MED22: variants seen among roughly 807,000 people sequenced by gnomAD.
The protein encoded by MED22 is mediator complex subunit 22, also known as mediator of RNA polymerase II transcription subunit 22.
Under a neutral mutation model 22.7 loss-of-function variants are expected in MED22, and 22 were observed. The ratio of observed to expected loss-of-function variants is 0.97; its 90% CI spans 0.69 to 1.38. MED22 has a LOEUF of 1.38. Ranked by LOEUF, MED22 falls within the 40% of genes most tolerant of loss-of-function variation. The pLI, the probability that MED22 is intolerant of heterozygous loss-of-function variation, is 0.00. For synonymous variants in MED22, 134 were observed against 119.4 expected (o/e 1.12, Z -0.80); for missense variants, 247 against 263.0 (o/e 0.94, Z 0.42).
chr9:133,339,311 G>A lies in MED22; in HGVS notation c.*2194C>T. 4.2e-6 allele frequency: 3 copies of A among 706,992 alleles called. No homozygotes were observed. The highest frequency in any genetic ancestry group is 7.9e-6 in the Non-Finnish European group (3 of 378,222). The allele number at this position is 706,992 out of a possible 1,614,324, so 43.8% of individuals were successfully genotyped here. A position where few individuals can be genotyped will look rare whatever the true frequency, so the allele number is the denominator to read the frequency against. On this transcript the variant is annotated 3_prime_UTR_variant, in exon 5 of 5. Coordinates refer to ENST00000343730, the MANE Select transcript of MED22 (RefSeq NM_133640.5). ...GCCGAGAGAGCTTCCTGAAACGCGT[G>A]AAGGAAAATGATCAGAAAAAGAGGG...
rs2129952070 is a variant in MED22 at position 133,342,087 on chromosome 9, G to A, written c.414-393C>T. ...CCTCCCTGACTGCAGAAACCCCAGT[G>A]TCACTACACTGCAAAGAGCTCTCTG... is the stretch of plus-strand genomic sequence containing the variant. On this transcript the variant is annotated intron_variant, in intron 4 of 4. Coordinates refer to ENST00000343730, the MANE Select transcript of MED22 (RefSeq NM_133640.5). 1,085 of 1,079,298 alleles carry A rather than the reference G, an allele frequency of 1.0e-3. 24 individuals are homozygous for A. The South Asian group carries it at 0.025, about 25-fold the overall frequency. The allele number at this position is 1,079,298 out of a possible 1,614,324, so 66.9% of individuals were successfully genotyped here.
chr9:133,342,811 G>A, intron 4 of MED22: 1 of 985,614 alleles, frequency 1.0e-6, no homozygotes, highest in Non-Finnish European at 1.2e-6. Flanking sequence ...TGGCACAGAT[G>A]TCCTGGGTTT....
In MED22 at chr9:133,339,792, C is replaced by T. The variant is rs1227392188; in HGVS notation, c.*1713G>A. On this transcript the variant is annotated 3_prime_UTR_variant, in exon 5 of 5. Coordinates refer to ENST00000343730, the MANE Select transcript of MED22 (RefSeq NM_133640.5). ...TTTTGCTAGAGTCATGGAGACAAAA[C>T]CTGTCTGACGTAGGCCCAAGAGAGA... 5.7e-6 allele frequency: 1 copy of T among 174,866 alleles called. No individual in the cohort carries two copies. Among genetic ancestry groups the T allele is most frequent in the East Asian group, 1.7e-4 (1 of 6,036 alleles). 10.8% of individuals were successfully genotyped at this position (174,866 alleles called of 1,614,324 possible).
intron 4 of MED22, chr9:133,343,031 G>C: frequency 1.0e-6 from 1 of 987,194 alleles, no homozygotes; most frequent in Non-Finnish European, 1.2e-6. Context: ...AGCCACCCTA[G>C]TGTGGAGGAA....
At chr9:133,342,374 C>T in intron 4 of MED22, 1 of 986,212 alleles carries the variant, frequency 1.0e-6, no homozygotes, top group Non-Finnish European at 1.2e-6. Context: ...CCCTGGCTTT[C>T]CCGCGGCCTG....
chr9:133,341,830 T>G, intron 4 of MED22, 136 bp from the exon 5 acceptor site: 1 of 1,422,930 alleles, frequency 7.0e-7, no homozygotes, highest in Non-Finnish European at 9.1e-7. Context: ...TCTCCACTCC[T>G]GCTCCATCTG....
In MED22 at chr9:133,338,811, A is replaced by G. The variant is rs1296341354; in HGVS notation, c.*2694T>C. 1.6e-5 allele frequency: 6 copies of G among 377,544 alleles called. No homozygotes were observed. Among genetic ancestry groups the G allele is most frequent in the South Asian group, 6.4e-5 (3 of 47,242 alleles). The allele number at this position is 377,544 out of a possible 1,614,324, so 23.4% of individuals were successfully genotyped here. On this transcript the variant is annotated 3_prime_UTR_variant, in exon 5 of 5. Coordinates refer to ENST00000343730, the MANE Select transcript of MED22 (RefSeq NM_133640.5). Reference sequence around the variant, plus strand: ...CAGGCTGGTCTCAAAACTTCTGACCACAAGTGATCCACCCGCTTTGGCTTC... The same window carrying G: ...CAGGCTGGTCTCAAAACTTCTGACCGCAAGTGATCCACCCGCTTTGGCTTC...
chr9:133,345,868 T>C (rs2129966526), intron 2 of MED22, among the ~76,000 whole-genome samples: 1 of 152,172 alleles, frequency 6.6e-6, no homozygotes, highest in Non-Finnish European at 1.5e-5. Context: ...TGGGTTCAAA[T>C]CCTGGCTCAG....
chr9:133,346,781 A>G, intron 1 of MED22, 81 bp from the exon 2 acceptor site: 5 of 1,242,634 alleles, frequency 4.0e-6, no homozygotes, highest in Non-Finnish European at 5.5e-6. Flanking sequence ...CAGAACACGC[A>G]GATTTCTGGG....
In MED22 at chr9:133,340,904, A is replaced by G. The variant is rs1239576874; in HGVS notation, c.*601T>C. The G allele has an allele frequency of 6.6e-6, 1 of 152,346 alleles. No homozygotes were observed. The highest frequency in any genetic ancestry group is 6.5e-5 in the Admixed American group (1 of 15,284). 9.4% of individuals were successfully genotyped at this position (152,346 alleles called of 1,614,324 possible). A position where few individuals can be genotyped will look rare whatever the true frequency, so the allele number is the denominator to read the frequency against. ...AAGGAATGAGGAAGAAAGAGCAGCA[A>G]TGCAAAAAAGTGGCGGTGTTTTAAT... On this transcript the variant is annotated 3_prime_UTR_variant, in exon 5 of 5. Coordinates refer to ENST00000343730, the MANE Select transcript of MED22 (RefSeq NM_133640.5).
chr9:133,338,927 C>A lies in MED22; in HGVS notation c.*2578G>T. 1.7e-6 allele frequency: 1 copy of A among 578,646 alleles called. No individual in the cohort carries two copies. Among genetic ancestry groups the A allele is most frequent in the East Asian group, 4.0e-5 (1 of 25,226 alleles). 35.8% of individuals were successfully genotyped at this position (578,646 alleles called of 1,614,324 possible). ...TCCAAAATAACAACCAAATGCAACA[C>A]ACAATAAAAACAGGCATAAAAGCCT... On this transcript the variant is annotated 3_prime_UTR_variant, in exon 5 of 5. Transcript: ENST00000343730.
intron 2 of MED22, chr9:133,346,277 A>C: frequency 2.2e-6 from 1 of 458,536 alleles, no homozygotes; most frequent in Non-Finnish European, 4.0e-6. Flanking sequence ...ACTGTTTTAC[A>C]CAGATAAACT....
intron 4 of MED22, chr9:133,343,636 C>G: frequency 8.0e-7 from 1 of 1,248,928 alleles, no homozygotes; most frequent in Non-Finnish European, 1.0e-6. Flanking sequence ...CCATGACTGT[C>G]CCTGCCTCCA....
chr9:133,342,219 C>T (rs1375793424), intron 4 of MED22: 1 of 986,722 alleles, frequency 1.0e-6, no homozygotes, highest in Non-Finnish European at 1.2e-6. Flanking sequence ...CCTACATCAG[C>T]CAGGCGGCCT....
chr9:133,342,121 CTG>C (rs1226175426), intron 4 of MED22: 2 of 1,025,732 alleles, frequency 1.9e-6, no homozygotes, highest in Admixed American at 6.1e-5. Flanking sequence ...TGAGGGCAGA[CTG>C]TGTTCTTTCT....
In MED22 at chr9:133,341,293, T is replaced by C. The variant is rs1835997443; in HGVS notation, c.*212A>G. 1 of 468,480 alleles carries C rather than the reference T, an allele frequency of 2.1e-6. No individual in the cohort carries two copies. Among genetic ancestry groups the C allele is most frequent in the South Asian group, 4.7e-5 (1 of 21,200 alleles). 29.0% of individuals were successfully genotyped at this position (468,480 alleles called of 1,614,324 possible). On this transcript the variant is annotated 3_prime_UTR_variant, in exon 5 of 5. Coordinates refer to ENST00000343730, the MANE Select transcript of MED22 (RefSeq NM_133640.5). ...AAACAGAGATGATGACTCGGAATGA[T>C]GGGCTATTCGGAAATGGCTAGGGAA...
Position 133,341,534 on chromosome 9 carries a change from C to A in MED22, c.574G>T (p.Gly192Cys). 6.5e-7 allele frequency: 1 copy of A among 1,533,068 alleles called. No homozygotes were observed. Among genetic ancestry groups the A allele is most frequent in the South Asian group, 1.3e-5 (1 of 77,584 alleles). 95.0% of individuals were successfully genotyped at this position (1,533,068 alleles called of 1,614,324 possible). A position where few individuals can be genotyped will look rare whatever the true frequency, so the allele number is the denominator to read the frequency against. The part of the protein sequence containing the change: ...QVAAPAHSHA[G>C]GPGPTEHA ...GCGTGCTCAGTGGGGCCAGGGCCAC[C>A]AGCATGGGAGTGGGCAGGGGCTGCC... The change falls in exon 5 of 5, where the codon GGT becomes TGT. Residue 192 changes from glycine to cysteine, a missense_variant. By Grantham distance (159) the Gly-to-Cys change is radical. Coordinates refer to ENST00000343730, the MANE Select transcript of MED22 (RefSeq NM_133640.5).
rs1836152464 is a variant in MED22 at position 133,345,396 on chromosome 9, T to G, written c.124-144A>C. 3 of 771,004 alleles carry G rather than the reference T, an allele frequency of 3.9e-6. No homozygotes were observed. The Admixed American group carries it at 6.4e-5, about 16-fold the overall frequency. 47.8% of individuals were successfully genotyped at this position (771,004 alleles called of 1,614,324 possible). ...CTGTCTGTGGTGCCATCTACAGACC[T>G]AAGCGCTGTCAGCCAGACCTCTGAC... On this transcript the variant is annotated intron_variant, in intron 2 of 4. Transcript: ENST00000343730.
In MED22 at chr9:133,348,027, T is replaced by G. The variant is rs1196619551; in HGVS notation, c.-144A>C. ...ACTTTCCCGCGTCTCTCCCACGGCC[T>G]GGCCCTCCCGCCGCAGTCTCTCTTC... On this transcript the variant is annotated 5_prime_UTR_variant, in exon 1 of 5. Coordinates refer to ENST00000343730, the MANE Select transcript of MED22 (RefSeq NM_133640.5). 18 of 659,546 alleles carry G rather than the reference T, an allele frequency of 2.7e-5. No homozygotes were observed. Among genetic ancestry groups the G allele is most frequent in the Non-Finnish European group, 4.3e-5 (16 of 374,086 alleles). 40.9% of individuals were successfully genotyped at this position (659,546 alleles called of 1,614,324 possible).
Sources: gnomAD v4.1 joint callset for allele counts (sites outside exome capture counted in the v4.1 genomes callset) on GRCh38, gnomAD v4.1.1 for gene constraint, MANE v1.5 for transcripts, NCBI Gene and HGNC (gene_info 2026-07-23, HGNC 2026-07-21) for gene names.